The following PLEKHS1 variants were observed in gnomAD, a reference collection of about 807,000 sequenced individuals.
PLEKHS1 encodes pleckstrin homology domain-containing family S member 1.
A neutral mutation model predicts 51.0 loss-of-function variants in PLEKHS1; 55 were observed. The observed-to-expected ratio is 1.08, with a 90% CI of 0.87 to 1.35. The LOEUF is 1.35. Ranked by LOEUF, PLEKHS1 falls within the 40% of genes most tolerant of loss-of-function variation. The probability of loss-of-function intolerance (pLI) is 0.00; values close to 1 mark genes in which losing one functional copy is unlikely to be tolerated. For missense variants in PLEKHS1, 398 were observed against 423.0 expected, an observed-to-expected ratio of 0.94 and a Z score of 0.52; for synonymous variants, 153 against 144.8, an observed-to-expected ratio of 1.06 and a Z score of -0.41.
chr10:113,777,118 C>T lies in PLEKHS1; in HGVS notation c.1091+1252C>T. 6.2e-7 allele frequency: 1 copy of T among 1,612,372 alleles called. No individual in the cohort carries two copies. The highest frequency in any genetic ancestry group is 1.1e-5 in the South Asian group (1 of 90,932). ...ACTGGTATTGGATGTTGTATTCCCA[C>T]TGCAGTGTGTCTCAGTGGGAAGGCC... On this transcript the variant is annotated intron_variant, in intron 11 of 11. Coordinates refer to ENST00000361048, the Ensembl canonical transcript of PLEKHS1.
rs564593168 is a variant in PLEKHS1, at chr10:113,760,600, T to C, written c.28+5295T>C. Among the ~76,000 whole-genome samples, 13 of 152,386 alleles carry C rather than the reference T, an allele frequency of 8.5e-5. No individual in the cohort carries two copies. The South Asian group carries it at 2.1e-3, about 24-fold the overall frequency. On this transcript the variant is annotated intron_variant, in intron 2 of 11. Transcript: ENST00000361048. Reference sequence around the variant, plus strand: ...GCTTTTCTTGTGCTTATTGGCTATTTGCTTATTTTCTTTAGAAGAATGTCT... The same window carrying C: ...GCTTTTCTTGTGCTTATTGGCTATTCGCTTATTTTCTTTAGAAGAATGTCT...
chr10:113,780,879 C>G, exon 12 of PLEKHS1: 1 of 1,141,664 alleles, frequency 8.8e-7, no homozygotes, highest in Non-Finnish European at 1.2e-6. Context: ...TCGGCACCCC[C>G]CTCTGAATTT....
chr10:113,774,175 A>C, intron 8 of PLEKHS1, 52 bp from the exon 9 acceptor site: 1 of 1,092,290 alleles, frequency 9.2e-7, no homozygotes, highest in Non-Finnish European at 1.4e-6. Context: ...ATAAGAAGGT[A>C]CCTGACTTAT....
At chr10:113,776,191 G>A (rs1844650614) in intron 11 of PLEKHS1, among the ~76,000 whole-genome samples, 1 of 152,066 alleles carries the variant, frequency 6.6e-6, no homozygotes, top group Non-Finnish European at 1.5e-5. Flanking sequence ...TGTACAATGA[G>A]TATTTGATGA....
intron 1 of PLEKHS1, among the ~76,000 whole-genome samples, chr10:113,753,959 C>T (rs1385100282): frequency 6.6e-6 from 1 of 152,064 alleles, no homozygotes; most frequent in African/African-American, 2.4e-5. Context: ...AGGTGCCCGC[C>T]ACCACGCTCG....
At position 113,768,913 on chromosome 10, in the gene PLEKHS1, A is replaced by G. The variant is rs368259187; in HGVS notation, c.435+23A>G. 20 of 1,574,594 alleles carry G rather than the reference A, an allele frequency of 1.3e-5. No individual in the cohort carries two copies. The African/African-American group carries it at 2.2e-4, about 17-fold the overall frequency. On this transcript the variant is annotated intron_variant, in intron 6 of 11. Coordinates refer to ENST00000361048, the Ensembl canonical transcript of PLEKHS1. ...GAGGTGACTCCATATCACTAATAAA[A>G]TAACAGGGCACCTGAACACAACCCT...
intron 1 of PLEKHS1, among the ~76,000 whole-genome samples, chr10:113,752,895 G>A (rs1236629971): frequency 6.6e-6 from 1 of 152,180 alleles, no homozygotes; most frequent in Non-Finnish European, 1.5e-5. Context: ...TGAATGTGGT[G>A]CTGTGTGGAG....
intron 2 of PLEKHS1, among the ~76,000 whole-genome samples, chr10:113,755,732 G>A (rs910973263): frequency 6.6e-6 from 1 of 152,170 alleles, no homozygotes; most frequent in African/African-American, 2.4e-5. Flanking sequence ...ATAATGGGTG[G>A]CATTCTGTGA....
intron 1 of PLEKHS1, among the ~76,000 whole-genome samples, chr10:113,753,070 GA>G (rs1375366080): frequency 6.6e-6 from 1 of 152,084 alleles, no homozygotes; most frequent in Non-Finnish European, 1.5e-5. Flanking sequence ...TTTTTAAAAT[GA>G]TTTTTTGGCT....
rs948394156 is a variant in PLEKHS1, at chr10:113,775,211, T to C, written c.989+176T>C. ...TGTTGTGGCCAAGGAGAGGGGATGATAGATCTCAAGTAAAGCAGTTCCTGG... is the reference window on the plus strand; with the variant it reads ...TGTTGTGGCCAAGGAGAGGGGATGACAGATCTCAAGTAAAGCAGTTCCTGG... On this transcript the variant is annotated intron_variant, in intron 10 of 11. Coordinates refer to ENST00000361048, the Ensembl canonical transcript of PLEKHS1. Among the ~76,000 whole-genome samples the C allele has an allele frequency of 6.6e-5, 10 of 152,170 alleles. No homozygotes were observed. The South Asian group carries it at 1.9e-3, about 28-fold the overall frequency.
At chr10:113,766,860 G>A in intron 4 of PLEKHS1, 142 bp downstream of exon 4, 1 of 619,102 alleles carries the variant, frequency 1.6e-6, no homozygotes, top group Non-Finnish European at 2.8e-6. Flanking sequence ...CTGAATAGGA[G>A]CTAAAATAGT....
Position 113,766,724 on chromosome 10 carries a change from T to C in PLEKHS1, c.224+6T>C, listed in dbSNP as rs1341019588. ...GGTTCCATTGAAATTGATCAGTGTG[T>C]ATCCAAGCAGGAAAACTTTTATAAC... On this transcript the variant is annotated splice_donor_region_variant and intron_variant, in intron 4 of 11. Transcript: ENST00000361048. The C allele has an allele frequency of 5.1e-6, 8 of 1,574,400 alleles. No individual in the cohort carries two copies. Among genetic ancestry groups the C allele is most frequent in the East Asian group, 2.2e-5 (1 of 44,606 alleles).
intron 2 of PLEKHS1, among the ~76,000 whole-genome samples, chr10:113,765,719 A>T (rs1844130694): frequency 6.6e-6 from 1 of 152,252 alleles, no homozygotes; most frequent in African/African-American, 2.4e-5. Flanking sequence ...AATGTTGTTA[A>T]ACACAGTGTT....
At position 113,776,012 on chromosome 10, in the gene PLEKHS1, A is replaced by G. The variant is rs188088110; in HGVS notation, c.1091+146A>G. The G allele has an allele frequency of 1.8e-5, 10 of 548,310 alleles. No homozygotes were observed. In the East Asian group the frequency reaches 2.9e-4, roughly 16 times the overall value. 34.0% of individuals were successfully genotyped at this position (548,310 alleles called of 1,614,324 possible). Reference sequence around the variant, plus strand: ...ACTGTTGACTGGCTGTTGTTACAAAAAAATCTTTGAGGCAGAAATCAGGGT... The same window carrying G: ...ACTGTTGACTGGCTGTTGTTACAAAGAAATCTTTGAGGCAGAAATCAGGGT... On this transcript the variant is annotated intron_variant, in intron 11 of 11. Coordinates refer to ENST00000361048, the Ensembl canonical transcript of PLEKHS1.
exon 12 of PLEKHS1, chr10:113,781,308 C>A (rs1364679263): frequency 1.4e-5 from 1 of 71,290 alleles, no homozygotes; most frequent in Non-Finnish European, 3.2e-5. Context: ...CTTCCCAACA[C>A]CTCCTTCCCC....
At chr10:113,768,830 C>T (rs765939901) in exon 6 of PLEKHS1, 3 of 1,613,618 alleles carry the variant, frequency 1.9e-6, no homozygotes, top group Non-Finnish European at 2.5e-6. Context: ...AGATTAAAGA[C>T]TGGGTCTCCT....
chr10:113,775,230 T>C (rs1844595631), intron 10 of PLEKHS1, among the ~76,000 whole-genome samples, 195 bp downstream of exon 10: 2 of 152,200 alleles, frequency 1.3e-5, no homozygotes, highest in Admixed American at 6.5e-5. Context: ...AGTAAAGCAG[T>C]TCCTGGGGCG....
intron 2 of PLEKHS1, among the ~76,000 whole-genome samples, chr10:113,761,769 G>A (rs1028087465): frequency 1.3e-5 from 2 of 151,922 alleles, no homozygotes; most frequent in South Asian, 4.1e-4. Flanking sequence ...TACTTATTTT[G>A]GATGCATTTT....
chr10:113,772,461 T>C (rs73361843), intron 8 of PLEKHS1, among the ~76,000 whole-genome samples: 3,210 of 152,178 alleles, frequency 0.021, 107 homozygotes, highest in African/African-American at 0.073. Flanking sequence ...GAAAGAATAA[T>C]ATGAGCCAAG....
Sources: allele counts gnomAD v4.1 joint callset (sites outside exome capture counted in the v4.1 genomes callset), GRCh38; gene constraint gnomAD v4.1.1; transcripts MANE v1.5; gene names NCBI Gene and HGNC (gene_info 2026-07-23, HGNC 2026-07-21).